SRSF3: variants seen among roughly 807,000 people sequenced by gnomAD.
SRSF3 encodes the protein serine/arginine-rich splicing factor 3.
For synonymous variants in SRSF3, 87 were observed against 73.6 expected (o/e 1.18, Z -0.93); for missense variants, 58 against 217.1 (o/e 0.27, Z 4.61).
Position 36,598,865 on chromosome 6 carries a change from C to G in SRSF3, c.223C>G (p.Arg75Gly). 1 of 1,612,970 alleles carries G rather than the reference C, an allele frequency of 6.2e-7. No homozygotes were observed. Among genetic ancestry groups the G allele is most frequent in the Non-Finnish European group, 8.5e-7 (1 of 1,179,870 alleles). The change falls in exon 3 of 6, where the codon CGT becomes GGT. Residue 75 changes from arginine (R) to glycine (G), a missense_variant. Physicochemically the swap from Arg to Gly is moderately radical, Grantham distance 125. Transcript: ENST00000373715. ...CCCCCTCAGAACACTATGTGGCTGCCGTGTAAGAGTGGAACTGTCGAATGG... is the reference window on the plus strand; with the variant it reads ...CCCCCTCAGAACACTATGTGGCTGCGGTGTAAGAGTGGAACTGTCGAATGG... The part of the protein sequence containing the change: ...ELDGRTLCGC[R>G]VRVELSNGEK...
Position 36,602,990 on chromosome 6 carries a change from A to G in SRSF3, c.*1001A>G, listed in dbSNP as rs1484467475. On this transcript the variant is annotated 3_prime_UTR_variant, in exon 6 of 6. Transcript: ENST00000373715. The stretch of plus-strand genomic sequence containing the variant: ...GGAAGCAGTTGGTTACACGATTCTT[A>G]TTTTATAAGAAACAGCTGAGAGGCA... 4.6e-6 allele frequency: 1 copy of G among 218,692 alleles called. No homozygotes were observed. Among genetic ancestry groups the G allele is most frequent in the Non-Finnish European group, 9.2e-6 (1 of 108,876 alleles). The allele number at this position is 218,692 out of a possible 1,614,324, so 13.5% of individuals were successfully genotyped here.
At chr6:36,598,710 G>A (rs1778671343) in intron 2 of SRSF3, 139 bp from the exon 3 acceptor site, 3 of 1,030,026 alleles carry the variant, frequency 2.9e-6, no homozygotes, top group Non-Finnish European at 4.2e-6. Flanking sequence ...GTAAAAATAA[G>A]GGAGCTAGAA....
chr6:36,598,571 C>G, intron 2 of SRSF3: 1 of 296,928 alleles, frequency 3.4e-6, no homozygotes, highest in South Asian at 4.4e-5. Flanking sequence ...TTTAGTAGAG[C>G]GAGGGTTTCA....
Position 36,604,061 on chromosome 6 carries a change from T to C in SRSF3, c.*2072T>C, listed in dbSNP as rs970980826. On this transcript the variant is annotated 3_prime_UTR_variant, in exon 6 of 6. Coordinates refer to ENST00000373715, the MANE Select transcript of SRSF3 (RefSeq NM_003017.5). ...CAAGACTCTTAGAAACTTTAGAACA[T>C]GGAAATTGTTAAAAGCTTTGAATTG... 2 of 228,296 alleles carry C rather than the reference T, an allele frequency of 8.8e-6. No homozygotes were observed. Among genetic ancestry groups the C allele is most frequent in the African/African-American group, 4.4e-5 (2 of 45,094 alleles). The allele number at this position is 228,296 out of a possible 1,614,324, so 14.1% of individuals were successfully genotyped here.
At position 36,604,189 on chromosome 6, in the gene SRSF3, G is replaced by A. The variant is rs142488003; in HGVS notation, c.*2200G>A. The A allele has an allele frequency of 2.3e-5, 5 of 221,634 alleles. No individual in the cohort carries two copies. Among genetic ancestry groups the A allele is most frequent in the Non-Finnish European group, 3.6e-5 (4 of 110,748 alleles). The allele number at this position is 221,634 out of a possible 1,614,324, so 13.7% of individuals were successfully genotyped here. A position where few individuals can be genotyped will look rare whatever the true frequency, so the allele number is the denominator to read the frequency against. On this transcript the variant is annotated 3_prime_UTR_variant, in exon 6 of 6. Coordinates refer to ENST00000373715, the MANE Select transcript of SRSF3 (RefSeq NM_003017.5). ...CATATTCAGGGTTGAGTGTAAAAAT[G>A]AAAGGAATCACAAAACTGAACTTAG...
At chr6:36,596,308 G>A (rs56799886) in intron 1 of SRSF3, among the ~76,000 whole-genome samples, 4,023 of 152,002 alleles carry the variant, frequency 0.026, 62 homozygotes, top group African/African-American at 0.039. Context: ...ACTTTGAATC[G>A]CTTGCCTGGT....
chr6:36,601,226 A>AT (rs1402410689), intron 4 of SRSF3, 36 bp downstream of exon 4: 1 of 1,611,586 alleles, frequency 6.2e-7, no homozygotes, highest in Admixed American at 1.7e-5. Flanking sequence ...GTTCTTAGAA[A>AT]TGGCAGTGTT....
chr6:36,596,655 C>T (rs1778635209), intron 1 of SRSF3, 106 bp from the exon 2 acceptor site: 1 of 930,544 alleles, frequency 1.1e-6, no homozygotes, highest in Non-Finnish European at 1.6e-6. Flanking sequence ...TCTTTACGTG[C>T]TACCTTAAAC....
At position 36,603,916 on chromosome 6, in the gene SRSF3, T is replaced by C. The variant is rs1295087491; in HGVS notation, c.*1927T>C. 8.9e-6 allele frequency: 2 copies of C among 224,868 alleles called. No individual in the cohort carries two copies. The highest frequency in any genetic ancestry group is 8.8e-6 in the Non-Finnish European group (1 of 113,968). The allele number at this position is 224,868 out of a possible 1,614,324, so 13.9% of individuals were successfully genotyped here. A position where few individuals can be genotyped will look rare whatever the true frequency, so the allele number is the denominator to read the frequency against. ...AAAAAGGACAGTTACGGGTATAATA[T>C]GGCTAAGAGAAATAATACAGAACCT... On this transcript the variant is annotated 3_prime_UTR_variant, in exon 6 of 6. Transcript: ENST00000373715.
At chr6:36,595,179 C>A (rs1005688361) in intron 1 of SRSF3, among the ~76,000 whole-genome samples, 13 of 152,148 alleles carry the variant, frequency 8.5e-5, no homozygotes, top group African/African-American at 2.9e-4. Flanking sequence ...GAAAGCACTT[C>A]AGCTGAATTA....
rs1267831191 is a variant in SRSF3 at position 36,602,402 on chromosome 6, A to G, written c.*413A>G. On this transcript the variant is annotated 3_prime_UTR_variant, in exon 6 of 6. Transcript: ENST00000373715. The stretch of plus-strand genomic sequence containing the variant: ...GGATATAGGCTGCAGCTATAGTTGA[A>G]CAAGCAGTCTTTAAAAACTGCTGTG... 4.2e-6 allele frequency: 1 copy of G among 236,330 alleles called. No individual in the cohort carries two copies. The highest frequency in any genetic ancestry group is 2.2e-5 in the African/African-American group (1 of 45,330). 14.6% of individuals were successfully genotyped at this position (236,330 alleles called of 1,614,324 possible). A position where few individuals can be genotyped will look rare whatever the true frequency, so the allele number is the denominator to read the frequency against.
At chr6:36,595,330 T>G (rs951298850) in intron 1 of SRSF3, among the ~76,000 whole-genome samples, 3 of 152,170 alleles carry the variant, frequency 2.0e-5, no homozygotes, top group African/African-American at 7.2e-5. Flanking sequence ...GTGCAGTAAA[T>G]TTTTTAGTAG....
rs776737759 is a variant in SRSF3 at position 36,602,017 on chromosome 6, C to G, written c.*28C>G. The G allele has an allele frequency of 1.3e-6, 2 of 1,565,348 alleles. No individual in the cohort carries two copies. The highest frequency in any genetic ancestry group is 4.0e-5 in the Admixed American group (2 of 49,742). On this transcript the variant is annotated 3_prime_UTR_variant, in exon 6 of 6. Transcript: ENST00000373715. ...GACAGTTTGCAAGAGAAGTGGTGTACAGGAAATTACTTCATTTGACAGGAG... is the reference window on the plus strand; with the variant it reads ...GACAGTTTGCAAGAGAAGTGGTGTAGAGGAAATTACTTCATTTGACAGGAG...
intron 4 of SRSF3, 125 bp downstream of exon 4, chr6:36,601,315 G>C: frequency 1.1e-6 from 1 of 890,396 alleles, no homozygotes; most frequent in Non-Finnish European, 1.7e-6. Flanking sequence ...AAGTTGTAAG[G>C]ATGAGTCAGC....
Position 36,605,557 on chromosome 6 carries a change from C to A in SRSF3, c.*3568C>A, listed in dbSNP as rs1778794825. 6.6e-6 allele frequency: 1 copy of A among 151,912 alleles called. No homozygotes were observed. The highest frequency in any genetic ancestry group is 2.4e-5 in the African/African-American group (1 of 41,372). 9.4% of individuals were successfully genotyped at this position (151,912 alleles called of 1,614,324 possible). ...ATTAGTTTTGTCCATGCAACTTTCC[C>A]CTTGTTGGACTCTGTACTTAATAAT... On this transcript the variant is annotated 3_prime_UTR_variant, in exon 6 of 6. Transcript: ENST00000373715.
At position 36,601,729 on chromosome 6, in the gene SRSF3, A is replaced by G. The variant is rs139583002; in HGVS notation, c.402A>G (p.Arg134=). 127 of 1,608,216 alleles carry G rather than the reference A, an allele frequency of 7.9e-5. No homozygotes were observed. Among genetic ancestry groups the G allele is most frequent in the Non-Finnish European group, 1.1e-4 (125 of 1,175,498 alleles). ...TTAGGTCCCTTTCTAGAGATAGGAG[A>G]AGAGAGAGATCGCTGTCTCGGGAGA... ...SRSRSLSRDR[R]RERSLSRERN... The change falls in exon 5 of 6, where the codon AGA becomes AGG. Residue 134 remains arginine, a synonymous_variant. Transcript: ENST00000373715.
intron 4 of SRSF3, 195 bp from the exon 5 acceptor site, chr6:36,601,513 A>G (rs1171300494): frequency 1.7e-6 from 1 of 593,050 alleles, no homozygotes; most frequent in Non-Finnish European, 3.0e-6. Flanking sequence ...ATACCTGGCT[A>G]ATTTATTTTT....
chr6:36,601,225 A>T (rs770822472), intron 4 of SRSF3, 35 bp downstream of exon 4: 1 of 1,611,528 alleles, frequency 6.2e-7, no homozygotes, highest in Non-Finnish European at 8.5e-7. Context: ...CGTTCTTAGA[A>T]ATGGCAGTGT....
At position 36,602,996 on chromosome 6, in the gene SRSF3, T is replaced by C. The variant is rs1388294983; in HGVS notation, c.*1007T>C. On this transcript the variant is annotated 3_prime_UTR_variant, in exon 6 of 6. Transcript: ENST00000373715. ...AGTTGGTTACACGATTCTTATTTTA[T>C]AAGAAACAGCTGAGAGGCACTATGG... The C allele has an allele frequency of 9.1e-6, 2 of 220,000 alleles. No individual in the cohort carries two copies. Among genetic ancestry groups the C allele is most frequent in the East Asian group, 1.3e-4 (2 of 14,948 alleles). The allele number at this position is 220,000 out of a possible 1,614,324, so 13.6% of individuals were successfully genotyped here.
Sources: allele counts gnomAD v4.1 joint callset (sites outside exome capture counted in the v4.1 genomes callset), GRCh38; gene constraint gnomAD v4.1.1; transcripts MANE v1.5; gene names NCBI Gene and HGNC (gene_info 2026-07-23, HGNC 2026-07-21).